The following SH3YL1 variants were observed in gnomAD, a reference collection of about 807,000 sequenced individuals.
The protein encoded by SH3YL1 is SH3 and SYLF domain containing 1.
In SH3YL1, 41 loss-of-function variants were observed where a neutral mutation model predicts 45.8. The observed-to-expected ratio is 0.89, with a 90% confidence interval of 0.70 to 1.16. SH3YL1 has a LOEUF of 1.16. Among genes scored for constraint, SH3YL1 ranks in the 50% most tolerant of loss-of-function variants. SH3YL1 has a pLI of 0.00. For synonymous variants in SH3YL1, 152 were observed against 151.4 expected, an observed-to-expected ratio of 1.00 and a Z score of -0.03; for missense variants, 389 against 409.6, an observed-to-expected ratio of 0.95 and a Z score of 0.43.
At position 230,064 on chromosome 2, in the gene SH3YL1, A is replaced by G; in HGVS notation, c.703-20T>C. On this transcript the variant is annotated intron_variant, in intron 7 of 9. Transcript: ENST00000356150. ...TTTAGCCTGGGAGAAACAAAAAGAT[A>G]AATACACATAATTTTAAAATCTTGT... The G allele has an allele frequency of 1.3e-6, 2 of 1,562,212 alleles. No individual in the cohort carries two copies. The highest frequency in any genetic ancestry group is 1.7e-6 in the Non-Finnish European group (2 of 1,147,274).
intron 4 of SH3YL1, among the ~76,000 whole-genome samples, chr2:236,769 A>G (rs1479924299): frequency 6.6e-6 from 1 of 152,228 alleles, no homozygotes; most frequent in Non-Finnish European, 1.5e-5. Context: ...ACATTTTTAT[A>G]TGAGTGACAG....
intron 2 of SH3YL1, among the ~76,000 whole-genome samples, chr2:250,909 G>A (rs1446296167): frequency 2.0e-5 from 3 of 152,096 alleles, no homozygotes; most frequent in Non-Finnish European, 4.4e-5. Context: ...CTTTATTTTT[G>A]TATTTTAAAA....
At chr2:226,662 T>C (rs1667797650) in intron 8 of SH3YL1, among the ~76,000 whole-genome samples, 1 of 151,870 alleles carries the variant, frequency 6.6e-6, no homozygotes, top group African/African-American at 2.4e-5. Context: ...GGAAGATATA[T>C]GGTTGAGAAT....
At chr2:259,566 AT>A (rs1297104367) in intron 1 of SH3YL1, 1 of 152,058 alleles carries the variant, frequency 6.6e-6, no homozygotes, top group East Asian at 1.9e-4. Context: ...AGGAAAAAAT[AT>A]GTAATAGGAG....
chr2:239,774 A>G (rs1232383020), intron 4 of SH3YL1: 1 of 152,234 alleles, frequency 6.6e-6, no homozygotes, highest in East Asian at 1.9e-4. Flanking sequence ...CGTAACTGGT[A>G]AAAATTATTT....
At chr2:258,788 A>T (rs1022735140) in intron 1 of SH3YL1, among the ~76,000 whole-genome samples, 2 of 152,072 alleles carry the variant, frequency 1.3e-5, no homozygotes, top group Non-Finnish European at 2.9e-5. Flanking sequence ...CCCCAGCCTG[A>T]TGCAAGCACT....
chr2:219,201 A>C (rs1166869805), intron 9 of SH3YL1, among the ~76,000 whole-genome samples, 200 bp from the exon 10 acceptor site: 4 of 152,200 alleles, frequency 2.6e-5, no homozygotes. Flanking sequence ...AGGATTTAGC[A>C]CATGCTTCTG....
chr2:260,920 A>C (rs1395721649), intron 1 of SH3YL1: 1 of 151,996 alleles, frequency 6.6e-6, no homozygotes, highest in Non-Finnish European at 1.5e-5. Context: ...GAAGAGAGCC[A>C]TTGGACTTGG....
intron 9 of SH3YL1, among the ~76,000 whole-genome samples, chr2:220,930 C>T (rs1219667222): frequency 2.0e-5 from 3 of 152,204 alleles, no homozygotes; most frequent in African/African-American, 4.8e-5. Context: ...TGCATTTATA[C>T]ACTTGCAGTC....
In SH3YL1 at chr2:233,278, C is replaced by CGAG. The variant is rs1334562278; in HGVS notation, c.405-52_405-50dup. On this transcript the variant is annotated intron_variant, in intron 5 of 9. Coordinates refer to ENST00000356150, the MANE Select transcript of SH3YL1 (RefSeq NM_015677.4). ...CACAAAGCTGTGAGCAGCTCCAAGC[C>CGAG]GAGGATCACTATTTAAATAGCACTC... 7 of 1,466,998 alleles carry CGAG rather than the reference C, an allele frequency of 4.8e-6. No individual in the cohort carries two copies. In the African/African-American group the frequency reaches 8.5e-5, roughly 18 times the overall value. 90.9% of individuals were successfully genotyped at this position (1,466,998 alleles called of 1,614,324 possible).
At position 230,235 on chromosome 2, in the gene SH3YL1, G is replaced by C. The variant is rs1249640815; in HGVS notation, c.703-191C>G. On this transcript the variant is annotated intron_variant, in intron 7 of 9. Coordinates refer to ENST00000356150, the MANE Select transcript of SH3YL1 (RefSeq NM_015677.4). ...AACTGGATGACAAGACTCAGATGTG[G>C]ACAGGGTGTGCTCTTCTCATGCCTG... The C allele has an allele frequency of 6.8e-6, 3 of 440,074 alleles. No individual in the cohort carries two copies. The South Asian group carries it at 1.3e-4, about 19-fold the overall frequency. The allele number at this position is 440,074 out of a possible 1,614,324, so 27.3% of individuals were successfully genotyped here.
At chr2:246,069 C>T (rs1288374145) in intron 4 of SH3YL1, among the ~76,000 whole-genome samples, 3 of 151,798 alleles carry the variant, frequency 2.0e-5, no homozygotes, top group Non-Finnish European at 2.9e-5. Context: ...GTGGTGCACG[C>T]CTGTAGTCCC....
At chr2:225,560 G>GT (rs1667757496) in intron 8 of SH3YL1, among the ~76,000 whole-genome samples, 3 of 152,348 alleles carry the variant, frequency 2.0e-5, no homozygotes, top group African/African-American at 7.2e-5. Context: ...ACACACCAGT[G>GT]TGAAGGCCAC....
chr2:255,997 G>T (rs1337794974), intron 1 of SH3YL1: 1 of 152,152 alleles, frequency 6.6e-6, no homozygotes, highest in African/African-American at 2.4e-5. Flanking sequence ...AAATCTACCT[G>T]TTACAGGTAT....
Position 224,911 on chromosome 2 carries a change from T to C in SH3YL1, c.791A>G (p.Asn264Ser). 1 of 1,611,246 alleles carries C rather than the reference T, an allele frequency of 6.2e-7. No homozygotes were observed. The highest frequency in any genetic ancestry group is 8.5e-7 in the Non-Finnish European group (1 of 1,177,422). ...AAGTCCAGGATAGAGCTTATATTCATTTCTGTTACCTGCCAAAAAAGAGGA... is the reference window on the plus strand; with the variant it reads ...AAGTCCAGGATAGAGCTTATATTCACTTCTGTTACCTGCCAAAAAAGAGGA... ...QLNSGSQSNRNEYKLYPGLSS... is the reference protein window; with the variant it reads ...QLNSGSQSNRSEYKLYPGLSS... Residue 264 changes from asparagine (N) to serine (S), a missense_variant, in exon 9 of 10, where the codon AAT becomes AGT. Coordinates refer to ENST00000356150, the MANE Select transcript of SH3YL1 (RefSeq NM_015677.4).
intron 4 of SH3YL1, among the ~76,000 whole-genome samples, chr2:234,487 T>C (rs545994880): frequency 6.6e-6 from 1 of 152,300 alleles, no homozygotes; most frequent in East Asian, 1.9e-4. Flanking sequence ...AGCGAGCATT[T>C]ACTGTGCACC....
Position 253,104 on chromosome 2 carries a change from T to C in SH3YL1, c.13A>G (p.Ile5Val). MNNP[I>V]PSNLKSEAKK... ...GCTTCTGATTTCAAATTGGAAGGTATAGGGTTATTCACTGAAACATAACAA... is the reference window on the plus strand; with the variant it reads ...GCTTCTGATTTCAAATTGGAAGGTACAGGGTTATTCACTGAAACATAACAA... Residue 5 changes from isoleucine to valine, a missense_variant, in exon 2 of 10, where the codon ATA becomes GTA. By Grantham distance (29) the Ile-to-Val change is conservative. Coordinates refer to ENST00000356150, the MANE Select transcript of SH3YL1 (RefSeq NM_015677.4). 6.6e-7 allele frequency: 1 copy of C among 1,526,078 alleles called. No individual in the cohort carries two copies. The highest frequency in any genetic ancestry group is 8.9e-7 in the Non-Finnish European group (1 of 1,126,476). 94.5% of individuals were successfully genotyped at this position (1,526,078 alleles called of 1,614,324 possible).
At position 218,685 on chromosome 2, in the gene SH3YL1, T is replaced by C. The variant is rs1667452538; in HGVS notation, c.*126A>G. 2.6e-6 allele frequency: 2 copies of C among 778,730 alleles called. No individual in the cohort carries two copies. Among genetic ancestry groups the C allele is most frequent in the African/African-American group, 1.8e-5 (1 of 56,908 alleles). 48.2% of individuals were successfully genotyped at this position (778,730 alleles called of 1,614,324 possible). On this transcript the variant is annotated 3_prime_UTR_variant, in exon 10 of 10. Transcript: ENST00000356150. ...ATATAGAAAAACAAAATCTTTTACA[T>C]ACGGAATGGAAATTTTGTAGAACAG... is the stretch of plus-strand genomic sequence containing the variant.
chr2:254,837 G>C (rs1669245396), intron 1 of SH3YL1, among the ~76,000 whole-genome samples: 1 of 152,156 alleles, frequency 6.6e-6, no homozygotes, highest in Admixed American at 6.5e-5. Flanking sequence ...CCTTTGCCCT[G>C]TTGTTTCACT....
Sources: gnomAD v4.1 joint callset for allele counts (sites outside exome capture counted in the v4.1 genomes callset) on GRCh38, gnomAD v4.1.1 for gene constraint, MANE v1.5 for transcripts, NCBI Gene and HGNC (gene_info 2026-07-23, HGNC 2026-07-21) for gene names.